Variants in LY86 observed in about 807,000 individuals in gnomAD.
LY86 encodes the protein lymphocyte antigen 86.
Under a neutral mutation model 17.3 loss-of-function variants are expected in LY86, and 20 were observed. That is an observed-to-expected ratio of 1.15 (90% CI 0.81 to 1.68). The LOEUF is 1.68. Ranked by LOEUF, LY86 falls within the 40% of genes most tolerant of loss-of-function variation. The pLI is 0.00. For missense variants in LY86, 200 were observed against 191.9 expected (o/e 1.04, Z -0.25); for synonymous variants, 74 against 70.6 (o/e 1.05, Z -0.24).
chr6:6,629,557 G>A (rs1022944411), intron 3 of LY86, among the ~76,000 whole-genome samples: 1 of 152,248 alleles, frequency 6.6e-6, no homozygotes. Flanking sequence ...CACTGTGGGT[G>A]GCACATTGTG....
chr6:6,612,286 C>T (rs559789065), intron 1 of LY86, among the ~76,000 whole-genome samples: 5 of 152,174 alleles, frequency 3.3e-5, no homozygotes, highest in Non-Finnish European at 4.4e-5. Flanking sequence ...GTTTCTTTCT[C>T]GTGGGTTAGT....
intron 1 of LY86, among the ~76,000 whole-genome samples, chr6:6,605,550 G>A (rs1367395814): frequency 2.0e-5 from 3 of 152,370 alleles, no homozygotes; most frequent in South Asian, 4.1e-4. Flanking sequence ...ACATGGCAAC[G>A]TGCTTCCCAC....
chr6:6,606,046 G>A (rs745809433), intron 1 of LY86, among the ~76,000 whole-genome samples: 6 of 152,220 alleles, frequency 3.9e-5, no homozygotes, highest in Non-Finnish European at 5.9e-5. Context: ...TACTCAAGCA[G>A]GTTACTGCTG....
intron 1 of LY86, among the ~76,000 whole-genome samples, chr6:6,606,133 C>T (rs1323304334): frequency 2.6e-5 from 4 of 152,290 alleles, no homozygotes; most frequent in East Asian, 3.9e-4. Flanking sequence ...ACAGAGAAGG[C>T]CGAGTGGTCC....
At chr6:6,630,072 A>G (rs1381052295) in intron 3 of LY86, among the ~76,000 whole-genome samples, 19 of 152,250 alleles carry the variant, frequency 1.2e-4, no homozygotes, top group Admixed American at 1.2e-3. Context: ...TAGTGCTAAG[A>G]GTACTTATCT....
intron 3 of LY86, among the ~76,000 whole-genome samples, chr6:6,626,845 T>G (rs556732067): frequency 1.8e-4 from 27 of 152,068 alleles, no homozygotes; most frequent in Non-Finnish European, 4.4e-5. Flanking sequence ...AAATGAAGCT[T>G]ATGATATGTC....
intron 1 of LY86, among the ~76,000 whole-genome samples, chr6:6,615,860 C>A (rs1388630072): frequency 6.6e-6 from 1 of 151,854 alleles, no homozygotes; most frequent in Non-Finnish European, 1.5e-5. Context: ...GACCCTATCT[C>A]AAAAAATAAT....
At chr6:6,623,144 T>C (rs1761716895) in intron 1 of LY86, among the ~76,000 whole-genome samples, 1 of 152,166 alleles carries the variant, frequency 6.6e-6, no homozygotes, top group African/African-American at 2.4e-5. Flanking sequence ...GAATTTGATA[T>C]AGGAAGTTGG....
intron 1 of LY86, among the ~76,000 whole-genome samples, chr6:6,604,270 A>G (rs988571666): frequency 6.6e-6 from 1 of 152,236 alleles, no homozygotes; most frequent in Non-Finnish European, 1.5e-5. Context: ...CCCAAACTGT[A>G]GAATTCTACA....
At chr6:6,643,032 C>T (rs1762061759) in intron 3 of LY86, among the ~76,000 whole-genome samples, 1 of 152,218 alleles carries the variant, frequency 6.6e-6, no homozygotes, top group Admixed American at 6.5e-5. Flanking sequence ...AGAGTGAGGG[C>T]TGCATCCTCC....
chr6:6,618,487 G>A (rs951468034), intron 1 of LY86, among the ~76,000 whole-genome samples: 2 of 151,354 alleles, frequency 1.3e-5, no homozygotes, highest in African/African-American at 2.4e-5. Context: ...TTTGAGTTTA[G>A]CAGCCCAAAC....
chr6:6,628,401 T>C (rs1761839334), intron 3 of LY86, among the ~76,000 whole-genome samples: 2 of 151,154 alleles, frequency 1.3e-5, no homozygotes, highest in Admixed American at 6.6e-5. Flanking sequence ...GCATCAGCCT[T>C]AAGGGATCCT....
intron 1 of LY86, among the ~76,000 whole-genome samples, chr6:6,598,670 T>G (rs796658506): frequency 1.3e-5 from 2 of 152,242 alleles, no homozygotes; most frequent in South Asian, 4.1e-4. Flanking sequence ...TAAGTTGTGC[T>G]AAGTCAGTGT....
chr6:6,593,325 C>T (rs2113072821), intron 1 of LY86, among the ~76,000 whole-genome samples: 1 of 152,362 alleles, frequency 6.6e-6, no homozygotes, highest in African/African-American at 2.4e-5. Context: ...TTTCAAAGCT[C>T]CCTCTGCCTC....
chr6:6,619,732 C>T (rs1420997866), intron 1 of LY86, among the ~76,000 whole-genome samples: 2 of 152,092 alleles, frequency 1.3e-5, no homozygotes, highest in African/African-American at 4.8e-5. Context: ...AGGGAATGAG[C>T]CATGAATGTT....
At chr6:6,653,071 C>A (rs972977747) in intron 4 of LY86, among the ~76,000 whole-genome samples, 2 of 152,210 alleles carry the variant, frequency 1.3e-5, no homozygotes, top group Admixed American at 6.5e-5. Context: ...AACACTATTT[C>A]TAAAATTACA....
chr6:6,645,104 A>G (rs546211379), intron 3 of LY86, among the ~76,000 whole-genome samples: 2 of 152,310 alleles, frequency 1.3e-5, no homozygotes, highest in East Asian at 3.9e-4. Flanking sequence ...AATGTTAGGT[A>G]TCATTAGAGT....
At chr6:6,610,309 A>G (rs1041228323) in intron 1 of LY86, among the ~76,000 whole-genome samples, 11 of 152,166 alleles carry the variant, frequency 7.2e-5, no homozygotes, top group African/African-American at 2.7e-4. Context: ...TCCTATGTCT[A>G]TCATTATTTC....
intron 2 of LY86, among the ~76,000 whole-genome samples, chr6:6,625,953 G>T (rs767458463): frequency 6.6e-6 from 1 of 152,154 alleles, no homozygotes; most frequent in African/African-American, 2.4e-5. Flanking sequence ...CCATCATGGG[G>T]AACAAATGAT....
Sources: gnomAD v4.1 joint callset for allele counts (sites outside exome capture counted in the v4.1 genomes callset) on GRCh38, gnomAD v4.1.1 for gene constraint, MANE v1.5 for transcripts, NCBI Gene and HGNC (gene_info 2026-07-23, HGNC 2026-07-21) for gene names.